Variants in TMPRSS15 observed in about 807,000 individuals in gnomAD.
The protein encoded by TMPRSS15 is transmembrane serine protease 15.
A neutral mutation model predicts 125.3 loss-of-function variants in TMPRSS15; 128 were observed. The ratio of observed to expected loss-of-function variants is 1.02; its 90% CI spans 0.89 to 1.18. TMPRSS15 has a LOEUF of 1.18. TMPRSS15 is among the 50% of genes most tolerant of loss of function. TMPRSS15 has a pLI of 0.00. For synonymous variants in TMPRSS15, 446 were observed against 423.2 expected, an observed-to-expected ratio of 1.05 and a Z score of -0.66; for missense variants, 1,283 against 1,212.7, an observed-to-expected ratio of 1.06 and a Z score of -0.86.
intron 1 of TMPRSS15, chr21:18,477,731 A>C (rs1166468614): frequency 1.3e-5 from 2 of 152,102 alleles, no homozygotes; most frequent in African/African-American, 2.4e-5. Context: ...TATAAAGTTT[A>C]CTTTCACTTA....
At chr21:18,317,884 CAT>C in intron 16 of TMPRSS15, among the ~76,000 whole-genome samples, 3 of 145,394 alleles carry the variant, frequency 2.1e-5, no homozygotes, top group Non-Finnish European at 3.0e-5. Context: ...CATCCCATCC[CAT>C]CCCATCCCAT....
intron 5 of TMPRSS15, among the ~76,000 whole-genome samples, chr21:18,375,268 A>G (rs940670293): frequency 6.6e-6 from 1 of 152,200 alleles, no homozygotes; most frequent in African/African-American, 2.4e-5. Flanking sequence ...CATTTCCTAC[A>G]TGAATATATA....
chr21:18,294,004 TA>T (rs2074869785), intron 21 of TMPRSS15, among the ~76,000 whole-genome samples: 3 of 152,262 alleles, frequency 2.0e-5, no homozygotes, highest in Admixed American at 2.0e-4. Context: ...TTTCCATTTT[TA>T]TGTATGTAAA....
chr21:18,371,829 T>C (rs2075794590), intron 6 of TMPRSS15, among the ~76,000 whole-genome samples: 1 of 152,020 alleles, frequency 6.6e-6, no homozygotes, highest in Non-Finnish European at 1.5e-5. Flanking sequence ...ATCACAGAAG[T>C]CAAATTAATA....
chr21:18,465,259 C>A (rs1978636951), intron 1 of TMPRSS15, among the ~76,000 whole-genome samples: 1 of 152,102 alleles, frequency 6.6e-6, no homozygotes, highest in South Asian at 2.1e-4. Context: ...TGGAACGTAT[C>A]TCAAAATAAT....
chr21:18,276,307 C>T (rs546185847), intron 23 of TMPRSS15, among the ~76,000 whole-genome samples: 1 of 152,282 alleles, frequency 6.6e-6, no homozygotes, highest in East Asian at 1.9e-4. Flanking sequence ...ATGAAAGCCC[C>T]ATGGGCCTTC....
At chr21:18,407,448 C>CTTTTTTTTTTTTTTTTTTTTT (rs201740388), upstream of TMPRSS15, among the ~76,000 whole-genome samples, 16 of 133,196 alleles carry the variant, frequency 1.2e-4, no homozygotes, top group South Asian at 2.3e-4. Context: ...TTTTTCTTTT[C>CTTTTTTTTTTTTTTTTTTTTT]TTTTTTTTTT....
intron 1 of TMPRSS15, among the ~76,000 whole-genome samples, chr21:18,481,370 G>C (rs1244449095): frequency 6.6e-6 from 1 of 151,648 alleles, no homozygotes; most frequent in African/African-American, 2.4e-5. Flanking sequence ...TTATTCAGTA[G>C]GTTATAGAGG....
Position 18,294,713 on chromosome 21 carries a change from T to C in TMPRSS15, c.2262-61A>G. 8 of 1,411,448 alleles carry C rather than the reference T, an allele frequency of 5.7e-6. No individual in the cohort carries two copies. The South Asian group carries it at 8.1e-5, about 14-fold the overall frequency. The allele number at this position is 1,411,448 out of a possible 1,614,324, so 87.4% of individuals were successfully genotyped here. A position where few individuals can be genotyped will look rare whatever the true frequency, so the allele number is the denominator to read the frequency against. On this transcript the variant is annotated intron_variant, in intron 19 of 24. Transcript: ENST00000284885. The stretch of plus-strand genomic sequence containing the variant: ...GCATTTAATATTTTCAAGTCAAACA[T>C]CATATAGGTTATCCTACTTTTGCTT...
chr21:18,396,928 T>A (rs1373385481), intron 3 of TMPRSS15, among the ~76,000 whole-genome samples: 2 of 152,196 alleles, frequency 1.3e-5, no homozygotes, highest in East Asian at 3.9e-4. Flanking sequence ...ATAGGATCTC[T>A]GTTTTACCTA....
intron 1 of TMPRSS15, among the ~76,000 whole-genome samples, chr21:18,470,101 CTA>C (rs1978746109): frequency 6.6e-6 from 1 of 151,974 alleles, no homozygotes; most frequent in Admixed American, 6.6e-5. Context: ...GTCATGAATA[CTA>C]TAGAGTCAGG....
In TMPRSS15 at chr21:18,457,201, A is replaced by G. The variant is rs555192629; in HGVS notation, c.10+28598T>C. Among the ~76,000 whole-genome samples the G allele has an allele frequency of 4.6e-5, 7 of 152,224 alleles. No homozygotes were observed. In the South Asian group the frequency reaches 1.4e-3, roughly 32 times the overall value. On this transcript the variant is annotated intron_variant, in intron 1 of 7. Transcript: ENST00000422787. ...TTGCTCAGCATAGTGCTTACCGAGT[A>G]TCTTAACATATGTGGTCTGTTATTA...
intron 21 of TMPRSS15, among the ~76,000 whole-genome samples, chr21:18,282,310 C>T (rs1409830384): frequency 6.6e-6 from 1 of 151,938 alleles, no homozygotes; most frequent in African/African-American, 2.4e-5. Context: ...TATTGGCCTG[C>T]GATTTCTTCA....
At chr21:18,289,183 A>G (rs541915416) in intron 21 of TMPRSS15, among the ~76,000 whole-genome samples, 22 of 152,272 alleles carry the variant, frequency 1.4e-4, no homozygotes, top group Admixed American at 3.9e-4. Flanking sequence ...TCAAAGTTTT[A>G]TTAGTTATAT....
At chr21:18,352,422 T>C (rs1349518476) in intron 10 of TMPRSS15, among the ~76,000 whole-genome samples, 2 of 152,010 alleles carry the variant, frequency 1.3e-5, no homozygotes, top group Non-Finnish European at 2.9e-5. Flanking sequence ...ATGTTGAAAA[T>C]GCTAAGGAAT....
At chr21:18,432,471 A>C (rs2076218021) in intron 1 of TMPRSS15, among the ~76,000 whole-genome samples, 1 of 152,200 alleles carries the variant, frequency 6.6e-6, no homozygotes, top group South Asian at 2.1e-4. Context: ...TGCAGATGTA[A>C]CTAGTGAAAT....
intron 24 of TMPRSS15, among the ~76,000 whole-genome samples, chr21:18,271,557 T>TTTAG (rs1486559011): frequency 4.6e-5 from 7 of 152,166 alleles, no homozygotes; most frequent in East Asian, 1.9e-4. Context: ...AACACATCAG[T>TTTAG]TTAGTTATGT....
intron 18 of TMPRSS15, among the ~76,000 whole-genome samples, chr21:18,303,894 C>T (rs2075001945): frequency 6.6e-6 from 1 of 152,096 alleles, no homozygotes; most frequent in African/African-American, 2.4e-5. Context: ...AAGATTCTCC[C>T]TGAATGGTGG....
rs555593979 is a variant in TMPRSS15, at chr21:18,348,169, A to C, written c.1172-4109T>G. On this transcript the variant is annotated intron_variant, in intron 10 of 24. Coordinates refer to ENST00000284885, the MANE Select transcript of TMPRSS15 (RefSeq NM_002772.3). ...CACTGTACTCCAGTCTGGGAGACAGAGTGATCCTGTCTCTAAACAAATAAA... is the reference window on the plus strand; with the variant it reads ...CACTGTACTCCAGTCTGGGAGACAGCGTGATCCTGTCTCTAAACAAATAAA... Among the ~76,000 whole-genome samples, 361 of 152,244 alleles carry C rather than the reference A, an allele frequency of 2.4e-3. 1 individual carries two copies. The highest frequency in any genetic ancestry group is 8.0e-3 in the African/African-American group (331 of 41,496).
Sources: allele counts gnomAD v4.1 joint callset (sites outside exome capture counted in the v4.1 genomes callset), GRCh38; gene constraint gnomAD v4.1.1; transcripts MANE v1.5; gene names NCBI Gene and HGNC (gene_info 2026-07-23, HGNC 2026-07-21).